NAV3: variants seen among roughly 807,000 people sequenced by gnomAD.
NAV3 encodes pore membrane and/or filament interacting like protein 1.
In NAV3, 87 loss-of-function variants were observed where a neutral mutation model predicts 244.7. The ratio of observed to expected loss-of-function variants is 0.36; its 90% CI spans 0.30 to 0.42. The LOEUF is 0.42. NAV3 is among the 20% of genes least tolerant of loss of function. The probability of loss-of-function intolerance (pLI) is 1.00; values close to 1 mark genes in which losing one functional copy is unlikely to be tolerated. For missense variants in NAV3, 2,663 were observed against 2,893.3 expected (o/e 0.92, Z 1.83); for synonymous variants, 1,126 against 1,042.2 (o/e 1.08, Z -1.55).
At chr12:77,763,627 G>T (rs61935776) in intron 2 of NAV3, among the ~76,000 whole-genome samples, 174 of 152,278 alleles carry the variant, frequency 1.1e-3, no homozygotes, top group Non-Finnish European at 1.7e-3. Flanking sequence ...AATTATGTAT[G>T]CTTCATTTTT....
intron 1 of NAV3, among the ~76,000 whole-genome samples, chr12:77,880,473 G>C (rs113766676): frequency 6.6e-6 from 1 of 152,206 alleles, no homozygotes; most frequent in African/African-American, 2.4e-5. Context: ...GTATTGCTCA[G>C]ACTAATCACT....
At chr12:78,194,506 G>T (rs956106832) in intron 34 of NAV3, among the ~76,000 whole-genome samples, 2 of 151,864 alleles carry the variant, frequency 1.3e-5, no homozygotes, top group African/African-American at 4.8e-5. Flanking sequence ...ACATCACGTT[G>T]TTCCTTGTTC....
chr12:77,782,065 C>G (rs1210256659), intron 2 of NAV3, among the ~76,000 whole-genome samples: 5 of 152,064 alleles, frequency 3.3e-5, no homozygotes, highest in Non-Finnish European at 5.9e-5. Context: ...TCTTCATTTG[C>G]CAAACTAAAG....
At chr12:77,592,236 C>T (rs1318326484) in intron 2 of NAV3, among the ~76,000 whole-genome samples, 1 of 152,194 alleles carries the variant, frequency 6.6e-6, no homozygotes, top group Non-Finnish European at 1.5e-5. Context: ...GCACTGTCTG[C>T]ACTCTGGCTA....
intron 2 of NAV3, among the ~76,000 whole-genome samples, chr12:77,817,728 A>G (rs1000866862): frequency 6.6e-6 from 1 of 152,116 alleles, no homozygotes; most frequent in African/African-American, 2.4e-5. Context: ...AGTTATGGTC[A>G]CCATATGCTC....
At position 78,177,281 on chromosome 12, in the gene NAV3, A is replaced by G. The variant is rs1399251894; in HGVS notation, c.5265A>G (p.Ser1755=). The G allele has an allele frequency of 2.5e-6, 4 of 1,613,138 alleles. No homozygotes were observed. The highest frequency in any genetic ancestry group is 3.4e-6 in the Non-Finnish European group (4 of 1,179,580). Reference sequence around the variant, plus strand: ...CCCATAATGCTGGTGACTGTGGCTCAGCATCCATGAAGCCCTCACAATCTG... The same window carrying G: ...CCCATAATGCTGGTGACTGTGGCTCGGCATCCATGAAGCCCTCACAATCTG... ...KLPHNAGDCG[S]ASMKPSQSAS... Residue 1755 remains serine (S), a synonymous_variant, in exon 27 of 40, where the codon TCA becomes TCG. Coordinates refer to ENST00000397909, the MANE Select transcript of NAV3 (RefSeq NM_001024383.2).
intron 1 of NAV3, among the ~76,000 whole-genome samples, chr12:77,875,244 T>C (rs1378924504): frequency 6.6e-6 from 1 of 152,100 alleles, no homozygotes; most frequent in South Asian, 2.1e-4. Context: ...CCTCAGGGCC[T>C]TTGCACTTAT....
chr12:77,978,752 C>G (rs1413335555), intron 5 of NAV3, among the ~76,000 whole-genome samples: 1 of 151,716 alleles, frequency 6.6e-6, no homozygotes, highest in Non-Finnish European at 1.5e-5. Context: ...AAGTCAGTAA[C>G]TATTAACTTT....
intron 2 of NAV3, among the ~76,000 whole-genome samples, chr12:77,706,744 G>A (rs980277483): frequency 6.7e-6 from 1 of 149,952 alleles, no homozygotes; most frequent in Non-Finnish European, 1.5e-5. Flanking sequence ...GGTGGCGGGC[G>A]CCTGTAGTCC....
intron 1 of NAV3, among the ~76,000 whole-genome samples, chr12:77,922,439 AT>A (rs1461370450): frequency 6.6e-6 from 1 of 151,846 alleles, no homozygotes; most frequent in Non-Finnish European, 1.5e-5. Flanking sequence ...CCACTACTCT[AT>A]TTTTGGGAAA....
intron 1 of NAV3, among the ~76,000 whole-genome samples, chr12:77,867,528 T>A (rs1471790138): frequency 1.3e-5 from 2 of 152,080 alleles, no homozygotes; most frequent in Non-Finnish European, 2.9e-5. Flanking sequence ...CATGCCATTC[T>A]CCTGCCTCAG....
intron 12 of NAV3, among the ~76,000 whole-genome samples, chr12:78,109,236 C>T (rs1231703484): frequency 6.6e-6 from 1 of 151,956 alleles, no homozygotes; most frequent in Admixed American, 6.6e-5. Flanking sequence ...TACAACCTAC[C>T]AAGCTGTTGC....
At chr12:77,636,768 A>T (rs901765264) in intron 2 of NAV3, among the ~76,000 whole-genome samples, 1 of 152,166 alleles carries the variant, frequency 6.6e-6, no homozygotes, top group Non-Finnish European at 1.5e-5. Flanking sequence ...GATAGACTGG[A>T]TAAAGAAAAT....
intron 1 of NAV3, among the ~76,000 whole-genome samples, chr12:77,921,140 T>G (rs1887672215): frequency 6.6e-6 from 1 of 152,168 alleles, no homozygotes; most frequent in Admixed American, 6.6e-5. Flanking sequence ...ACTTTAAAGC[T>G]AGGGTAACTA....
At chr12:77,977,712 G>A (rs61936163) in intron 5 of NAV3, among the ~76,000 whole-genome samples, 1,788 of 142,974 alleles carry the variant, frequency 0.013, 11 homozygotes, top group Middle Eastern at 0.025. Flanking sequence ...ACACACACGC[G>A]CACACACACA....
intron 1 of NAV3, among the ~76,000 whole-genome samples, chr12:77,842,463 A>G (rs977511496): frequency 2.0e-5 from 3 of 151,756 alleles, no homozygotes; most frequent in Non-Finnish European, 4.4e-5. Flanking sequence ...AGAGCTGGGA[A>G]CCAGAAAGGC....
At chr12:77,731,265 G>A (rs1481440207) in intron 2 of NAV3, among the ~76,000 whole-genome samples, 4 of 151,842 alleles carry the variant, frequency 2.6e-5, no homozygotes, top group African/African-American at 9.7e-5. Flanking sequence ...GGATTCCAGG[G>A]GAAGGTCTTT....
intron 2 of NAV3, among the ~76,000 whole-genome samples, chr12:77,697,831 A>G (rs1875383342): frequency 6.6e-6 from 1 of 152,178 alleles, no homozygotes; most frequent in East Asian, 1.9e-4. Context: ...AGATGTGTGA[A>G]CGATTAGCTT....
At chr12:77,962,566 C>T (rs971993146) in intron 3 of NAV3, among the ~76,000 whole-genome samples, 6 of 152,258 alleles carry the variant, frequency 3.9e-5, no homozygotes, top group Middle Eastern at 3.4e-3. Flanking sequence ...TTTCTCATCA[C>T]CTTCACTGTC....
Sources: gnomAD v4.1 joint callset for allele counts (sites outside exome capture counted in the v4.1 genomes callset) on GRCh38, gnomAD v4.1.1 for gene constraint, MANE v1.5 for transcripts, NCBI Gene and HGNC (gene_info 2026-07-23, HGNC 2026-07-21) for gene names.